PCID2: variants seen among roughly 807,000 people sequenced by gnomAD.
PCID2 encodes the protein PCI domain-containing protein 2.
PCID2 carries 41 observed loss-of-function variants against 61.3 expected under a neutral mutation model. That is an observed-to-expected ratio of 0.67 (90% CI 0.52 to 0.87). PCID2 has a LOEUF of 0.87. PCID2 is among the 40% of genes least tolerant of loss of function. The probability of loss-of-function intolerance (pLI) is 0.00; values close to 1 mark genes in which losing one functional copy is unlikely to be tolerated. For synonymous variants in PCID2, 187 were observed against 177.8 expected (o/e 1.05, Z -0.41); for missense variants, 392 against 493.4 (o/e 0.79, Z 1.95).
downstream of PCID2, among the ~76,000 whole-genome samples, chr13:113,173,970 C>T (rs953554691): frequency 1.2e-3 from 188 of 151,968 alleles, no homozygotes; most frequent in African/African-American, 4.3e-3. Flanking sequence ...AGCTCACGCC[C>T]GTAATCCCAG....
chr13:113,191,059 C>A, intron 6 of PCID2, 84 bp from the exon 7 acceptor site: 1 of 861,582 alleles, frequency 1.2e-6, no homozygotes. Context: ...GTGGCACAAT[C>A]ACACCTCACT....
At chr13:113,205,286 T>C (rs1483291414) in intron 1 of PCID2, among the ~76,000 whole-genome samples, 1 of 152,114 alleles carries the variant, frequency 6.6e-6, no homozygotes, top group Non-Finnish European at 1.5e-5. Context: ...AAGAAAATCT[T>C]TGGGACAAGA....
rs1186943556 is a variant in PCID2, at chr13:113,179,702, CCCA to C, written c.986+212_986+214del. Among the ~76,000 whole-genome samples the C allele has an allele frequency of 6.6e-6, 1 of 152,198 alleles. No homozygotes were observed. The highest frequency in any genetic ancestry group is 2.4e-5 in the African/African-American group (1 of 41,454). Reference sequence around the variant, plus strand: ...TCTCACATAGAACCTGCTTACCTCCCCCACAAGTCCAGGCACAGCTTGTGCTAC... The same window carrying C: ...TCTCACATAGAACCTGCTTACCTCCCCAAGTCCAGGCACAGCTTGTGCTAC... On this transcript the variant is annotated intron_variant, in intron 12 of 13. Transcript: ENST00000337344. The surrounding 1 kb of genome is among the most constrained non-coding windows in gnomAD (Gnocchi z 4.3).
the PCID2 span, chr13:113,171,613 A>G: frequency 6.2e-7 from 1 of 1,614,184 alleles, no homozygotes; most frequent in South Asian, 1.1e-5. The surrounding 1 kb of genome is among the most constrained non-coding windows in gnomAD (Gnocchi z 5.1). Context: ...GAACGAGCCA[A>G]GACCCGCTGA....
chr13:113,174,697 T>A (rs1337564637), downstream of PCID2, among the ~76,000 whole-genome samples: 1 of 152,196 alleles, frequency 6.6e-6, no homozygotes, highest in East Asian at 1.9e-4. Flanking sequence ...TTGCCCAGGC[T>A]GGTCTCGAAC....
At chr13:113,205,373 A>C (rs1257712761) in intron 1 of PCID2, among the ~76,000 whole-genome samples, 1 of 152,338 alleles carries the variant, frequency 6.6e-6, no homozygotes, top group African/African-American at 2.4e-5. Flanking sequence ...GGAAAAAAAC[A>C]AGCATTGACA....
rs182571400 is a variant in PCID2 at position 113,178,031 on chromosome 13, G to A, written c.*167C>T. 2.1e-4 allele frequency: 104 copies of A among 506,604 alleles called. 1 individual carries two copies. Among genetic ancestry groups the A allele is most frequent in the African/African-American group, 1.8e-3 (95 of 51,662 alleles). The allele number at this position is 506,604 out of a possible 1,614,324, so 31.4% of individuals were successfully genotyped here. ...AGGCTGAAATTAGTTACAAATGAAGGAGATTAACTCGGGTGTGCTGAAAAT... is the reference window on the plus strand; with the variant it reads ...AGGCTGAAATTAGTTACAAATGAAGAAGATTAACTCGGGTGTGCTGAAAAT... On this transcript the variant is annotated 3_prime_UTR_variant, in exon 14 of 14. Transcript: ENST00000337344.
intron 13 of PCID2, 170 bp from the exon 14 acceptor site, chr13:113,178,457 C>T (rs771470249): frequency 5.8e-5 from 31 of 530,382 alleles, no homozygotes; most frequent in Admixed American, 3.3e-5. Context: ...TCTATATCCA[C>T]GGTGGGTTTC....
intron 1 of PCID2, chr13:113,208,232 C>T: frequency 6.7e-7 from 1 of 1,491,044 alleles, no homozygotes; most frequent in Admixed American, 2.1e-5. Flanking sequence ...GTCCATCCGA[C>T]ACAGCACCGC....
chr13:113,196,876 C>T (rs2039054262), intron 4 of PCID2: 2 of 671,206 alleles, frequency 3.0e-6, no homozygotes, highest in East Asian at 5.3e-5. Flanking sequence ...CAGGACTTAA[C>T]CAGTCCCTGT....
At chr13:113,199,737 T>C (rs2039277986) in intron 2 of PCID2, among the ~76,000 whole-genome samples, 1 of 152,194 alleles carries the variant, frequency 6.6e-6, no homozygotes, top group Admixed American at 6.5e-5. Flanking sequence ...TTCAACACTG[T>C]CTACACATAG....
At chr13:113,193,073 A>G (rs2038742547) in intron 6 of PCID2, among the ~76,000 whole-genome samples, 1 of 152,200 alleles carries the variant, frequency 6.6e-6, no homozygotes, top group South Asian at 2.1e-4. Flanking sequence ...CCCTGCCTCC[A>G]GAACTATGAG....
Position 113,180,059 on chromosome 13 carries a change from C to T in PCID2, c.861-17G>A, listed in dbSNP as rs369574171. 36 of 1,613,470 alleles carry T rather than the reference C, an allele frequency of 2.2e-5. No individual in the cohort carries two copies. Among genetic ancestry groups the T allele is most frequent in the Admixed American group, 8.3e-5 (5 of 59,996 alleles). ...TTGCCCTCGCTGGTGAGGGGGGAGG[C>T]GCGTCAGAAGGAGGGTGAGTTTCTC... On this transcript the variant is annotated splice_polypyrimidine_tract_variant and intron_variant, in intron 11 of 13. Transcript: ENST00000337344.
chr13:113,184,253 C>A, intron 9 of PCID2, 93 bp downstream of exon 9: 2 of 1,142,682 alleles, frequency 1.8e-6, no homozygotes, highest in South Asian at 1.4e-5. Context: ...AAATAAAATA[C>A]AGTAATTGTG....
chr13:113,175,212 C>T (rs977082924), downstream of PCID2, among the ~76,000 whole-genome samples: 1 of 152,124 alleles, frequency 6.6e-6, no homozygotes, highest in Non-Finnish European at 1.5e-5. Context: ...AGCGTGAGAA[C>T]GAACTGACAG....
chr13:113,178,136 C>T lies in PCID2; in HGVS notation c.*62G>A. On this transcript the variant is annotated 3_prime_UTR_variant, in exon 14 of 14. Transcript: ENST00000337344. ...CCTTGTTGCAGTACCGGACCGGTCT[C>T]ATCAGCACAACCAAAGTGGAAAGAA... 1 of 1,273,320 alleles carries T rather than the reference C, an allele frequency of 7.9e-7. No individual in the cohort carries two copies. The highest frequency in any genetic ancestry group is 1.2e-5 in the South Asian group (1 of 82,864). The allele number at this position is 1,273,320 out of a possible 1,614,324, so 78.9% of individuals were successfully genotyped here. A position where few individuals can be genotyped will look rare whatever the true frequency, so the allele number is the denominator to read the frequency against.
the PCID2 span, among the ~76,000 whole-genome samples, chr13:113,169,768 A>G: frequency 6.6e-6 from 1 of 152,168 alleles, no homozygotes; most frequent in African/African-American, 2.4e-5. Flanking sequence ...AGTGTCTAGC[A>G]CAGGTCCCTC....
rs114457973 is a variant in PCID2 at position 113,185,975 on chromosome 13, C to T, written c.468-415G>A. Reference sequence around the variant, plus strand: ...CTGAGGCAGGAGAATCACTCAAACCCGGGCCAATGCACTTCAGCCTGGGTG... The same window carrying T: ...CTGAGGCAGGAGAATCACTCAAACCTGGGCCAATGCACTTCAGCCTGGGTG... On this transcript the variant is annotated intron_variant, in intron 7 of 13. Coordinates refer to ENST00000337344, the MANE Select transcript of PCID2 (RefSeq NM_001127202.4). 1,113 of 161,512 alleles carry T rather than the reference C, an allele frequency of 6.9e-3. 18 individuals carry two copies. Among genetic ancestry groups the T allele is most frequent in the African/African-American group, 0.025 (1,032 of 41,664 alleles). 10.0% of individuals were successfully genotyped at this position (161,512 alleles called of 1,614,324 possible).
intron 1 of PCID2, among the ~76,000 whole-genome samples, chr13:113,202,076 T>C (rs962531720): frequency 1.3e-5 from 2 of 152,200 alleles, no homozygotes; most frequent in African/African-American, 2.4e-5. Flanking sequence ...CTGAAGCAAC[T>C]AGAAGGCTCA....
Sources: allele counts gnomAD v4.1 joint callset (sites outside exome capture counted in the v4.1 genomes callset), GRCh38; gene constraint gnomAD v4.1.1; non-coding constraint Gnocchi (gnomAD v3.1); transcripts MANE v1.5; gene names NCBI Gene and HGNC (gene_info 2026-07-23, HGNC 2026-07-21).